The following INTS8 variants were observed in gnomAD, a reference collection of about 807,000 sequenced individuals.
INTS8 encodes integrator complex subunit 8, also known as protein kaonashi-1.
In INTS8, 47 loss-of-function variants were observed where a neutral mutation model predicts 138.9. The observed-to-expected ratio is 0.34, with a 90% CI of 0.27 to 0.43. INTS8 has a LOEUF of 0.43. Ranked by LOEUF, INTS8 falls within the 20% of genes least tolerant of loss-of-function variation. The pLI is 1.00. For synonymous variants in INTS8, 392 were observed against 400.9 expected (o/e 0.98, Z 0.27); for missense variants, 996 against 1,173.0 (o/e 0.85, Z 2.20).
chr8:94,852,658 G>C (rs113905244), intron 13 of INTS8, among the ~76,000 whole-genome samples: 25,704 of 151,266 alleles, frequency 0.17, 2,309 homozygotes, highest in Middle Eastern at 0.27. Flanking sequence ...GTGCGATCTT[G>C]GCTCACTGCA....
chr8:94,849,895 C>T (rs1446671238), intron 11 of INTS8, 21 bp from the exon 12 acceptor site: 3 of 1,537,380 alleles, frequency 2.0e-6, no homozygotes, highest in East Asian at 2.3e-5. Flanking sequence ...TTTTGTTTTA[C>T]AATATTTCTT....
At chr8:94,849,776 T>A in intron 11 of INTS8, 140 bp from the exon 12 acceptor site, 1 of 640,134 alleles carries the variant, frequency 1.6e-6, no homozygotes, top group Non-Finnish European at 2.5e-6. Flanking sequence ...AGGGAAATTT[T>A]AAAATCTATT....
intron 7 of INTS8, among the ~76,000 whole-genome samples, chr8:94,837,814 A>G (rs1047250264): frequency 1.3e-5 from 2 of 152,126 alleles, no homozygotes; most frequent in African/African-American, 4.8e-5. Flanking sequence ...AGGGTCAGTT[A>G]GCAAATATCT....
In INTS8 at chr8:94,854,276, CCTTTTCCTAAT is replaced by C. The variant is rs577531391; in HGVS notation, c.1752+377_1752+387del. 4.0e-5 allele frequency among the ~76,000 whole-genome samples: 6 copies of C among 151,404 alleles called. No individual in the cohort carries two copies. The East Asian group carries it at 9.7e-4, about 24-fold the overall frequency. On this transcript the variant is annotated intron_variant, in intron 14 of 26. Coordinates refer to ENST00000523731, the MANE Select transcript of INTS8 (RefSeq NM_017864.4). ...GCAGGAAGTCAGGAACCAGAACTTACCTTTTCCTAATCTTTTCCTAATCTTTAAAGTCACAG... is the reference window on the plus strand; with the variant it reads ...GCAGGAAGTCAGGAACCAGAACTTACCTTTTCCTAATCTTTAAAGTCACAG...
chr8:94,844,752 CTTT>C (rs966738887), intron 10 of INTS8, among the ~76,000 whole-genome samples: 5 of 136,488 alleles, frequency 3.7e-5, no homozygotes, highest in African/African-American at 2.7e-5. Context: ...TTTAGTTTTT[CTTT>C]TTTTTTTTTT....
chr8:94,849,320 C>T (rs1815446688), intron 10 of INTS8, 142 bp from the exon 11 acceptor site: 1 of 606,506 alleles, frequency 1.6e-6, no homozygotes, highest in Non-Finnish European at 3.0e-6. Flanking sequence ...CTGGTCTCTT[C>T]TGTTAAGTTA....
At chr8:94,857,590 G>T (rs1586506276) in intron 15 of INTS8, among the ~76,000 whole-genome samples, 1 of 152,266 alleles carries the variant, frequency 6.6e-6, no homozygotes, top group East Asian at 1.9e-4. Context: ...GGGCTGTGCT[G>T]CCCCCAAAGG....
At chr8:94,857,272 A>T (rs564182078) in intron 15 of INTS8, among the ~76,000 whole-genome samples, 1 of 151,868 alleles carries the variant, frequency 6.6e-6, no homozygotes, top group East Asian at 1.9e-4. Flanking sequence ...GGGTTTCACT[A>T]TGTTGGCCAG....
At position 94,854,588 on chromosome 8, in the gene INTS8, A is replaced by G. The variant is rs1050601988; in HGVS notation, c.1752+673A>G. Among the ~76,000 whole-genome samples the G allele has an allele frequency of 2.0e-5, 3 of 152,368 alleles. No individual in the cohort carries two copies. The East Asian group carries it at 5.8e-4, about 29-fold the overall frequency. On this transcript the variant is annotated intron_variant, in intron 14 of 26. Coordinates refer to ENST00000523731, the MANE Select transcript of INTS8 (RefSeq NM_017864.4). ...TGTTGAGACATAAGTGGAATGTTAA[A>G]TCACATAAGATAGTGCAGTTGCGTG...
chr8:94,828,432 T>A (rs991587383), intron 4 of INTS8, among the ~76,000 whole-genome samples: 6 of 152,232 alleles, frequency 3.9e-5, no homozygotes, highest in Non-Finnish European at 5.9e-5. Context: ...ATACAAAAGT[T>A]GATCGTATCT....
intron 15 of INTS8, among the ~76,000 whole-genome samples, chr8:94,858,262 T>G (rs1376684826): frequency 6.6e-6 from 1 of 152,214 alleles, no homozygotes. Flanking sequence ...CAGAAGCAAG[T>G]GCTACCGTCT....
At chr8:94,833,677 G>A (rs1814810865) in intron 6 of INTS8, among the ~76,000 whole-genome samples, 1 of 152,178 alleles carries the variant, frequency 6.6e-6, no homozygotes. Context: ...GTATGTGCTA[G>A]GCAAACTATC....
At chr8:94,855,064 A>C (rs1815695606) in intron 14 of INTS8, among the ~76,000 whole-genome samples, 1 of 152,174 alleles carries the variant, frequency 6.6e-6, no homozygotes, top group African/African-American at 2.4e-5. Context: ...CTGGAAATAA[A>C]AATTTTGGGG....
intron 26 of INTS8, 32 bp from the exon 27 acceptor site, chr8:94,880,085 AC>A: frequency 6.9e-7 from 1 of 1,446,576 alleles, no homozygotes. Context: ...TTTTTGACAC[AC>A]CTCTAATAAC....
At chr8:94,856,586 C>T (rs1200145946) in intron 14 of INTS8, among the ~76,000 whole-genome samples, 191 bp from the exon 15 acceptor site, 1 of 151,954 alleles carries the variant, frequency 6.6e-6, no homozygotes, top group Non-Finnish European at 1.5e-5. Context: ...TTTAAAATTA[C>T]AAAGTTATTA....
chr8:94,825,470 T>A (rs1257950544), intron 2 of INTS8, among the ~76,000 whole-genome samples: 3 of 151,644 alleles, frequency 2.0e-5, no homozygotes, highest in African/African-American at 7.3e-5. Flanking sequence ...ATATTCTTGA[T>A]AAAATATGCA....
intron 8 of INTS8, among the ~76,000 whole-genome samples, chr8:94,840,415 C>T (rs778846201): frequency 1.3e-5 from 2 of 152,096 alleles, no homozygotes; most frequent in Non-Finnish European, 2.9e-5. Context: ...CTTTCCTGCT[C>T]TTCCATTCTT....
intron 26 of INTS8, among the ~76,000 whole-genome samples, chr8:94,877,244 T>A (rs1313416515): frequency 6.6e-6 from 1 of 152,204 alleles, no homozygotes; most frequent in South Asian, 2.1e-4. Flanking sequence ...TGTCTAACAT[T>A]TACTGTGGCA....
chr8:94,839,404 T>A (rs141815067), intron 8 of INTS8, among the ~76,000 whole-genome samples: 2 of 152,218 alleles, frequency 1.3e-5, no homozygotes, highest in Non-Finnish European at 2.9e-5. Flanking sequence ...GTGCATTCAT[T>A]CATGTTTAAC....
Sources: allele counts gnomAD v4.1 joint callset (sites outside exome capture counted in the v4.1 genomes callset), GRCh38; gene constraint gnomAD v4.1.1; transcripts MANE v1.5; gene names NCBI Gene and HGNC (gene_info 2026-07-23, HGNC 2026-07-21).